CTNNB1: variants seen among roughly 807,000 people sequenced by gnomAD.
The protein encoded by CTNNB1 is catenin beta-1.
In CTNNB1, 6 loss-of-function variants were observed where a neutral mutation model predicts 82.5. That is an observed-to-expected ratio of 0.07 (90% CI 0.04 to 0.14). CTNNB1 has a LOEUF of 0.14. CTNNB1 is among the 10% of genes least tolerant of loss of function. CTNNB1 has a pLI of 1.00. For synonymous variants in CTNNB1, 312 were observed against 329.7 expected (o/e 0.95, Z 0.58); for missense variants, 529 against 980.4 (o/e 0.54, Z 6.15).
intron 14 of CTNNB1, among the ~76,000 whole-genome samples, chr3:41,238,689 T>C (rs948290940): frequency 6.6e-6 from 1 of 152,204 alleles, no homozygotes; most frequent in Admixed American, 6.5e-5. Context: ...TCCTTAGTAC[T>C]TTTGTGGGTG....
rs1302131125 is a variant in CTNNB1 at position 41,238,043 on chromosome 3, G to A, written c.2104G>A (p.Ala702Thr). The part of the protein sequence containing the change: ...ETADLGLDIG[A>T]QGEPLGYRQD... ...TGCTGATCTTGGACTTGATATTGGT[G>A]CCCAGGGAGAACCCCTTGGATATCG... is the stretch of plus-strand genomic sequence containing the variant. The change falls in exon 14 of 15, where the codon GCC (alanine) becomes ACC (threonine). Residue 702 changes from alanine (A) to threonine (T), a missense_variant. Around this residue, in one of 4 missense-constraint regions of CTNNB1, gnomAD observed 102 missense variants for 130.8 expected, o/e 0.78. Coordinates refer to ENST00000349496, the MANE Select transcript of CTNNB1 (RefSeq NM_001904.4). The A allele has an allele frequency of 5.0e-6, 8 of 1,613,736 alleles. No homozygotes were observed. The highest frequency in any genetic ancestry group is 2.7e-5 in the African/African-American group (2 of 74,878).
chr3:41,209,911 T>G (rs762844835), intron 1 of CTNNB1, among the ~76,000 whole-genome samples: 1 of 152,214 alleles, frequency 6.6e-6, no homozygotes, highest in African/African-American at 2.4e-5. Context: ...CTGTAGACTT[T>G]ATAAACACTG....
At position 41,227,356 on chromosome 3, in the gene CTNNB1, A is replaced by G; in HGVS notation, c.1081+4A>G. On this transcript the variant is annotated splice_donor_region_variant and intron_variant, in intron 7 of 14. Coordinates refer to ENST00000349496, the MANE Select transcript of CTNNB1 (RefSeq NM_001904.4). ...AAGCCGGCTATTGTAGAAGCTGGTA[A>G]GTATATGTATCTATTCTGAGTCTTG... 1 of 1,613,758 alleles carries G rather than the reference A, an allele frequency of 6.2e-7. No homozygotes were observed. Among genetic ancestry groups the G allele is most frequent in the South Asian group, 1.1e-5 (1 of 91,080 alleles).
chr3:41,226,309 T>C lies in CTNNB1; in HGVS notation c.936+448T>C, dbSNP rs11564446. Among the ~76,000 whole-genome samples the C allele has an allele frequency of 7.7e-3, 1,166 of 152,352 alleles. 22 individuals are homozygous for C. The highest frequency in any genetic ancestry group is 0.027 in the African/African-American group (1,103 of 41,578). Reference sequence around the variant, plus strand: ...CAAGCTTCTCTTCACACTTTTGTTCTTAGGTGGGATGTAGATGTTGGGAAT... The same window carrying C: ...CAAGCTTCTCTTCACACTTTTGTTCCTAGGTGGGATGTAGATGTTGGGAAT... On this transcript the variant is annotated intron_variant, in intron 6 of 14. Coordinates refer to ENST00000349496, the MANE Select transcript of CTNNB1 (RefSeq NM_001904.4).
At position 41,239,793 on chromosome 3, in the gene CTNNB1, TTTTG is replaced by T; in HGVS notation, c.*454_*457del. ...CCTATGGGAACAATTGAAGTAAACT[TTTTG>T]TTCTGGTCCTTTTTGGTCGAGGAGT... On this transcript the variant is annotated 3_prime_UTR_variant, in exon 15 of 15. Transcript: ENST00000349496. 3.5e-6 allele frequency: 1 copy of T among 289,280 alleles called. No individual in the cohort carries two copies. Among genetic ancestry groups the T allele is most frequent in the Non-Finnish European group, 6.6e-6 (1 of 151,622 alleles). The allele number at this position is 289,280 out of a possible 1,614,324, so 17.9% of individuals were successfully genotyped here.
At chr3:41,205,302 C>T (rs1164142507) in intron 1 of CTNNB1, among the ~76,000 whole-genome samples, 1 of 152,134 alleles carries the variant, frequency 6.6e-6, no homozygotes, top group Non-Finnish European at 1.5e-5. Context: ...TGAATATAAA[C>T]GTTTTACTTA....
At chr3:41,217,861 T>C (rs1159105021) in intron 1 of CTNNB1, among the ~76,000 whole-genome samples, 1 of 152,236 alleles carries the variant, frequency 6.6e-6, no homozygotes, top group Non-Finnish European at 1.5e-5. Context: ...TTTTTTGACT[T>C]GTTCCCAGTT....
At chr3:41,208,549 TTATC>T (rs2077702122) in intron 1 of CTNNB1, among the ~76,000 whole-genome samples, 2 of 152,236 alleles carry the variant, frequency 1.3e-5, no homozygotes, top group African/African-American at 4.8e-5. Flanking sequence ...GACCTACAGT[TTATC>T]TATCCAAGCT....
At chr3:41,211,438 G>C (rs544805826) in intron 1 of CTNNB1, among the ~76,000 whole-genome samples, 1 of 152,136 alleles carries the variant, frequency 6.6e-6, no homozygotes, top group Admixed American at 6.5e-5. Flanking sequence ...TTGTTAGAAA[G>C]AGTATATCGT....
intron 10 of CTNNB1, 68 bp downstream of exon 10, chr3:41,234,365 T>A: frequency 6.5e-7 from 1 of 1,539,940 alleles, no homozygotes; most frequent in Non-Finnish European, 9.0e-7. Context: ...GATCCTGAAC[T>A]TCTTTCTTTG....
intron 1 of CTNNB1, among the ~76,000 whole-genome samples, chr3:41,202,816 C>T (rs1166295285): frequency 6.6e-6 from 1 of 152,076 alleles, no homozygotes; most frequent in Non-Finnish European, 1.5e-5. Flanking sequence ...CACTTAAACT[C>T]AGGGGAAAGT....
chr3:41,224,462 C>CT (rs938691534), intron 2 of CTNNB1, 64 bp from the exon 3 acceptor site: 436 of 1,422,026 alleles, frequency 3.1e-4, no homozygotes, highest in Non-Finnish European at 3.7e-4. Context: ...ATCACAGATT[C>CT]TTTTTTTTTA....
rs879910759 is a variant in CTNNB1 at position 41,238,146 on chromosome 3, G to A, written c.2137+70G>A. On this transcript the variant is annotated intron_variant, in intron 14 of 14. Transcript: ENST00000349496. ...TTCTAAAACTTTTATCAGAAGAGCC[G>A]GTTTGCTCATCTGGGAAACCAGTGT... 6.9e-5 allele frequency: 96 copies of A among 1,398,410 alleles called. No homozygotes were observed. In the South Asian group the frequency reaches 8.3e-4, roughly 12 times the overall value. The allele number at this position is 1,398,410 out of a possible 1,614,324, so 86.6% of individuals were successfully genotyped here.
At position 41,225,299 on chromosome 3, in the gene CTNNB1, A is replaced by G. The variant is rs2125621873; in HGVS notation, c.496-35A>G. ...AATGTCTACCCAATACCAGTACTTG[A>G]AAACTAACGATGTTTCTGAATTCCT... On this transcript the variant is annotated intron_variant, in intron 4 of 14. Transcript: ENST00000349496. The surrounding 1 kb of genome is among the most constrained non-coding windows in gnomAD (Gnocchi z 5.3). 6.2e-7 allele frequency: 1 copy of G among 1,613,882 alleles called. No homozygotes were observed. The highest frequency in any genetic ancestry group is 1.7e-4 in the Middle Eastern group (1 of 6,058).
intron 1 of CTNNB1, among the ~76,000 whole-genome samples, chr3:41,216,958 T>C (rs902139813): frequency 3.9e-5 from 6 of 152,182 alleles, no homozygotes; most frequent in African/African-American, 1.4e-4. Flanking sequence ...TTGCCCCTTA[T>C]TGTCTTTTTT....
intron 1 of CTNNB1, 47 bp from the exon 2 acceptor site, chr3:41,223,974 A>T: frequency 7.4e-7 from 1 of 1,347,966 alleles, no homozygotes; most frequent in Non-Finnish European, 1.1e-6. Flanking sequence ...AGGAGTATTA[A>T]TCAAGCTAAA....
At chr3:41,214,791 T>C (rs949539515) in intron 1 of CTNNB1, among the ~76,000 whole-genome samples, 1 of 151,606 alleles carries the variant, frequency 6.6e-6, no homozygotes. Context: ...AAAAAAAAAA[T>C]CAAAAGGATA....
chr3:41,227,130 T>C (rs566778763), intron 6 of CTNNB1, 78 bp from the exon 7 acceptor site: 18 of 1,216,848 alleles, frequency 1.5e-5, no homozygotes, highest in Non-Finnish European at 2.2e-5. Flanking sequence ...TATAATAAAA[T>C]AGGTTGGTAA....
In CTNNB1 at chr3:41,234,311, T is replaced by TA. The variant is rs1174724714; in HGVS notation, c.1683+15dup. On this transcript the variant is annotated intron_variant, in intron 10 of 14. Transcript: ENST00000349496. ...CAGCAATTTGTGGTAGGTAAATTCT[T>TA]ACAGTGATACCTGGCTATCTAAAAG... The TA allele has an allele frequency of 9.3e-6, 15 of 1,613,832 alleles. No homozygotes were observed.
Sources: allele counts gnomAD v4.1 joint callset (sites outside exome capture counted in the v4.1 genomes callset), GRCh38; gene constraint gnomAD v4.1.1; regional missense constraint gnomAD v4.1.1; non-coding constraint Gnocchi (gnomAD v3.1); transcripts MANE v1.5; gene names NCBI Gene and HGNC (gene_info 2026-07-23, HGNC 2026-07-21).